Variants in UNC13B observed in about 807,000 individuals in gnomAD.
UNC13B encodes the protein protein unc-13 homolog B.
In UNC13B, 144 loss-of-function variants were observed where a neutral mutation model predicts 211.0. The ratio of observed to expected loss-of-function variants is 0.68; its 90% CI spans 0.60 to 0.78. The LOEUF (loss-of-function observed/expected upper bound fraction) is 0.78. UNC13B is among the 30% of genes least tolerant of loss of function. The pLI, the probability that UNC13B is intolerant of heterozygous loss-of-function variation, is 0.00. For missense variants in UNC13B, 1,777 were observed against 2,002.0 expected (o/e 0.89, Z 2.14); for synonymous variants, 709 against 725.8 (o/e 0.98, Z 0.37).
intron 1 of UNC13B, among the ~76,000 whole-genome samples, chr9:35,188,545 A>G (rs546346949): frequency 2.0e-5 from 3 of 152,352 alleles, no homozygotes; most frequent in African/African-American, 7.2e-5. Flanking sequence ...AAACATGCCA[A>G]ATAATACTGT....
intron 6 of UNC13B, among the ~76,000 whole-genome samples, chr9:35,255,019 G>GTATATATAATATAATATATAT (rs1301699943): frequency 2.1e-4 from 22 of 106,690 alleles, no homozygotes; most frequent in South Asian, 1.8e-3. Flanking sequence ...ATTAATATAT[G>GTATATATAATATAATATATAT]TATATATAAT....
rs191421538 is a variant in UNC13B, at chr9:35,381,061, T to C, written c.10376-39T>C. 560 of 1,585,102 alleles carry C rather than the reference T, an allele frequency of 3.5e-4. 3 individuals carry two copies. The African/African-American group carries it at 5.8e-3, about 17-fold the overall frequency. The stretch of plus-strand genomic sequence containing the variant: ...GAATGGAACTATCTATGCTGTCTAG[T>C]TGCATTGGTGTCAATCTCCAGTCTT... On this transcript the variant is annotated intron_variant, in intron 18 of 39. Transcript: ENST00000635942.
chr9:35,260,058 A>C (rs1027989886), intron 7 of UNC13B, among the ~76,000 whole-genome samples: 1 of 149,706 alleles, frequency 6.7e-6, no homozygotes, highest in African/African-American at 2.4e-5. Context: ...AAAAAAAAAA[A>C]AAAAAACCAA....
intron 9 of UNC13B, among the ~76,000 whole-genome samples, chr9:35,308,646 T>A (rs1830038760): frequency 6.6e-6 from 1 of 152,330 alleles, no homozygotes; most frequent in South Asian, 2.1e-4. Context: ...AGGAGCTTCC[T>A]GCTTAAAGCA....
intron 11 of UNC13B, among the ~76,000 whole-genome samples, chr9:35,363,708 TC>T (rs1260529369): frequency 6.6e-6 from 1 of 152,226 alleles, no homozygotes; most frequent in African/African-American, 2.4e-5. Context: ...TGTGGGCCTA[TC>T]CATGTATGGC....
At chr9:35,274,568 C>T (rs1828066743) in intron 7 of UNC13B, among the ~76,000 whole-genome samples, 1 of 152,138 alleles carries the variant, frequency 6.6e-6, no homozygotes, top group Admixed American at 6.5e-5. Flanking sequence ...ATTAGGATGG[C>T]CTGCTAGGAC....
chr9:35,392,344 C>T (rs977975430), intron 26 of UNC13B, among the ~76,000 whole-genome samples: 2 of 152,014 alleles, frequency 1.3e-5, no homozygotes, highest in South Asian at 2.1e-4. Flanking sequence ...AATCAGAGAA[C>T]GCAGATAATG....
chr9:35,169,644 T>C (rs2131253519), intron 1 of UNC13B, among the ~76,000 whole-genome samples: 1 of 152,330 alleles, frequency 6.6e-6, no homozygotes, highest in Non-Finnish European at 1.5e-5. Flanking sequence ...AGCAGAGCTG[T>C]GGCTGTGTTC....
At chr9:35,326,198 A>G (rs1830999411) in intron 11 of UNC13B, among the ~76,000 whole-genome samples, 1 of 151,746 alleles carries the variant, frequency 6.6e-6, no homozygotes, top group African/African-American at 2.4e-5. Context: ...TGTGATTTTG[A>G]TTTGCATTTC....
chr9:35,380,860 T>TTA (rs1834780835), intron 18 of UNC13B, among the ~76,000 whole-genome samples: 1 of 152,116 alleles, frequency 6.6e-6, no homozygotes, highest in African/African-American at 2.4e-5. Flanking sequence ...AGAAGGCCCT[T>TTA]TAATCTTCAT....
intron 11 of UNC13B, among the ~76,000 whole-genome samples, chr9:35,334,240 G>A (rs1175636672): frequency 1.3e-5 from 2 of 152,244 alleles, no homozygotes; most frequent in East Asian, 3.9e-4. Flanking sequence ...TGCTGGGATT[G>A]CAGGCGTGAG....
rs1829779502 is a variant in UNC13B, at chr9:35,303,408, C to G, written c.4004C>G (p.Thr1335Ser). The stretch of plus-strand genomic sequence containing the variant: ...AAGTTAAATTCACCTGTACTAAATA[C>G]CAACATTCTCAATAAATCAAACAAC... ...SNKLNSPVLN[T>S]NILNKSNNYQ... Residue 1335 changes from threonine (T) to serine (S), a missense_variant, in exon 9 of 40, where the codon ACC becomes AGC. Thr to Ser is a moderately conservative substitution (Grantham distance 58, BLOSUM62 1). Coordinates refer to ENST00000635942, the MANE Select transcript of UNC13B (RefSeq NM_001371189.2). 2 of 398,524 alleles carry G rather than the reference C, an allele frequency of 5.0e-6. No homozygotes were observed. The highest frequency in any genetic ancestry group is 8.9e-6 in the Non-Finnish European group (2 of 225,770). 24.7% of individuals were successfully genotyped at this position (398,524 alleles called of 1,614,324 possible). A position where few individuals can be genotyped will look rare whatever the true frequency, so the allele number is the denominator to read the frequency against.
chr9:35,167,312 A>G (rs1821088836), intron 1 of UNC13B, among the ~76,000 whole-genome samples: 2 of 152,056 alleles, frequency 1.3e-5, no homozygotes, highest in South Asian at 4.2e-4. Flanking sequence ...TTACTTCATG[A>G]TCCGCCTGCC....
intron 13 of UNC13B, among the ~76,000 whole-genome samples, chr9:35,371,056 C>CTCT (rs1834083036): frequency 2.3e-4 from 35 of 152,180 alleles, no homozygotes; most frequent in Admixed American, 7.2e-4. Flanking sequence ...GAAGTGAGGT[C>CTCT]CAGGTTCTCT....
chr9:35,348,039 C>A (rs1293519158), intron 11 of UNC13B, among the ~76,000 whole-genome samples: 1 of 152,114 alleles, frequency 6.6e-6, no homozygotes, highest in Non-Finnish European at 1.5e-5. Context: ...GAGTTTGAGA[C>A]CAGCCTGACC....
chr9:35,276,263 G>A (rs1403748213), intron 7 of UNC13B, among the ~76,000 whole-genome samples: 2 of 145,018 alleles, frequency 1.4e-5, no homozygotes, highest in African/African-American at 2.6e-5. Context: ...CCAAGATTAT[G>A]CCACTGCACT....
intron 11 of UNC13B, among the ~76,000 whole-genome samples, chr9:35,316,008 T>G (rs1394510343): frequency 6.6e-6 from 1 of 152,226 alleles, no homozygotes; most frequent in Non-Finnish European, 1.5e-5. Flanking sequence ...TGGTTAAGTT[T>G]GCATTGGCCA....
chr9:35,367,147 G>A (rs1833824618), intron 12 of UNC13B, among the ~76,000 whole-genome samples, 154 bp downstream of exon 12: 1 of 152,158 alleles, frequency 6.6e-6, no homozygotes, highest in South Asian at 2.1e-4. Flanking sequence ...CTGAGGCAGA[G>A]GAGAGAACTC....
intron 24 of UNC13B, among the ~76,000 whole-genome samples, chr9:35,387,680 A>T (rs1835273428): frequency 6.6e-6 from 1 of 152,192 alleles, no homozygotes; most frequent in Non-Finnish European, 1.5e-5. Flanking sequence ...CACTGGCATA[A>T]ACTCTTGATG....
Sources: allele counts gnomAD v4.1 joint callset (sites outside exome capture counted in the v4.1 genomes callset), GRCh38; gene constraint gnomAD v4.1.1; transcripts MANE v1.5; gene names NCBI Gene and HGNC (gene_info 2026-07-23, HGNC 2026-07-21).